The following CSMD1 variants were observed in gnomAD, a reference collection of about 807,000 sequenced individuals.
The protein encoded by CSMD1 is CUB and sushi domain-containing protein 1.
A neutral mutation model predicts 417.5 loss-of-function variants in CSMD1; 213 were observed. The observed-to-expected ratio is 0.51, with a 90% CI of 0.46 to 0.57. The LOEUF is 0.57. CSMD1 is among the 20% of genes least tolerant of loss of function. CSMD1 has a pLI of 0.00. For synonymous variants in CSMD1, 2,862 were observed against 1,736.8 expected (o/e 1.65, Z -16.11); for missense variants, 6,923 against 4,529.7 (o/e 1.53, Z -15.17).
intron 2 of CSMD1, among the ~76,000 whole-genome samples, chr8:4,438,485 C>G (rs921077874): frequency 6.6e-6 from 1 of 152,222 alleles, no homozygotes. Flanking sequence ...CGCTTGGGTT[C>G]CACAGCACCT....
intron 26 of CSMD1, among the ~76,000 whole-genome samples, chr8:3,263,851 C>A (rs1801253449): frequency 6.6e-6 from 1 of 152,092 alleles, no homozygotes; most frequent in Non-Finnish European, 1.5e-5. Context: ...TGTGGGAAAA[C>A]CAAGTATGTC....
At chr8:4,498,049 C>A (rs769244648) in intron 2 of CSMD1, among the ~76,000 whole-genome samples, 1 of 152,090 alleles carries the variant, frequency 6.6e-6, no homozygotes, top group Non-Finnish European at 1.5e-5. Context: ...CTGGAAGTGT[C>A]CTCCATGTGT....
chr8:4,092,524 G>C (rs1432664860), intron 3 of CSMD1, among the ~76,000 whole-genome samples: 1 of 152,080 alleles, frequency 6.6e-6, no homozygotes, highest in Non-Finnish European at 1.5e-5. Context: ...TTTAAAAAAA[G>C]AATAGAAGTA....
chr8:3,577,057 C>T (rs939867186), intron 9 of CSMD1, among the ~76,000 whole-genome samples: 1 of 152,160 alleles, frequency 6.6e-6, no homozygotes, highest in Non-Finnish European at 1.5e-5. Flanking sequence ...AGGGGAAAGT[C>T]ATTTGTTACA....
intron 3 of CSMD1, among the ~76,000 whole-genome samples, chr8:4,061,877 A>G (rs1002157428): frequency 1.3e-5 from 2 of 152,202 alleles, no homozygotes; most frequent in African/African-American, 2.4e-5. Flanking sequence ...ATGACTTGAC[A>G]ACTTCTGAGC....
intron 5 of CSMD1, among the ~76,000 whole-genome samples, chr8:3,763,490 G>A (rs1798118677): frequency 6.6e-6 from 1 of 152,090 alleles, no homozygotes; most frequent in Non-Finnish European, 1.5e-5. Flanking sequence ...CTCACCCTGT[G>A]ATATACCTGT....
intron 1 of CSMD1, among the ~76,000 whole-genome samples, chr8:4,901,176 A>T (rs1804848484): frequency 6.6e-6 from 1 of 152,232 alleles, no homozygotes; most frequent in African/African-American, 2.4e-5. Flanking sequence ...TTCTTAAACC[A>T]AAAGTTAGTA....
chr8:3,436,166 G>C (rs1029314872), intron 12 of CSMD1, among the ~76,000 whole-genome samples: 4 of 151,938 alleles, frequency 2.6e-5, no homozygotes, highest in African/African-American at 9.7e-5. Flanking sequence ...TTACCACCTG[G>C]GAGAACATCA....
chr8:3,180,060 A>G (rs1821222396), intron 37 of CSMD1, among the ~76,000 whole-genome samples: 1 of 152,218 alleles, frequency 6.6e-6, no homozygotes, highest in South Asian at 2.1e-4. Context: ...AAGCTTATCC[A>G]TGTATTTGCT....
intron 12 of CSMD1, among the ~76,000 whole-genome samples, chr8:3,425,172 A>G (rs1813753786): frequency 6.6e-6 from 1 of 152,200 alleles, no homozygotes. Context: ...TAGCCTGTCA[A>G]TTAAACTTTA....
chr8:4,159,755 A>T (rs189324267), intron 3 of CSMD1, among the ~76,000 whole-genome samples: 2,181 of 152,214 alleles, frequency 0.014, 31 homozygotes, highest in Non-Finnish European at 0.025. Flanking sequence ...CGCCCGGCTA[A>T]TTTTTTATAT....
chr8:4,725,806 G>T (rs767507180), intron 1 of CSMD1, among the ~76,000 whole-genome samples: 4 of 152,100 alleles, frequency 2.6e-5, no homozygotes, highest in Non-Finnish European at 4.4e-5. Flanking sequence ...CTAGCTGCTC[G>T]GTTGGAACTG....
chr8:3,408,119 C>G lies in CSMD1; in HGVS notation c.1851G>C (p.Glu617Asp). ...NMNCVWLIIS[E>D]PGSRIHLIFN... ...AGATTAGGTGAATTCGACTTCCTGG[C>G]TCCGAGATAATCAACCAGACACAGT... Residue 617 changes from glutamate (E) to aspartate (D), a missense_variant, in exon 14 of 70, where the codon GAG becomes GAC. Glu to Asp is a conservative substitution (Grantham distance 45). Coordinates refer to ENST00000635120, the MANE Select transcript of CSMD1 (RefSeq NM_033225.6). 6.2e-7 allele frequency: 1 copy of G among 1,613,812 alleles called. No homozygotes were observed. The highest frequency in any genetic ancestry group is 8.5e-7 in the Non-Finnish European group (1 of 1,179,790).
chr8:3,763,996 T>C (rs1373524548), intron 5 of CSMD1, among the ~76,000 whole-genome samples: 1 of 152,174 alleles, frequency 6.6e-6, no homozygotes, highest in East Asian at 1.9e-4. Context: ...TCTGTCTGTT[T>C]GTCATGAAGC....
intron 1 of CSMD1, among the ~76,000 whole-genome samples, chr8:4,990,207 C>T (rs1458375881): frequency 1.3e-5 from 2 of 152,162 alleles, no homozygotes; most frequent in African/African-American, 4.8e-5. Context: ...CTCCCTTTTG[C>T]GACTAACTAC....
chr8:3,808,515 T>G (rs1233607545), intron 5 of CSMD1, among the ~76,000 whole-genome samples: 1 of 152,202 alleles, frequency 6.6e-6, no homozygotes, highest in Non-Finnish European at 1.5e-5. Context: ...ACTAAGAGCA[T>G]GCTACCGTGG....
chr8:3,884,946 C>T (rs2975340), intron 5 of CSMD1, among the ~76,000 whole-genome samples: 4,733 of 144,090 alleles, frequency 0.033, 259 homozygotes, highest in African/African-American at 0.12. Context: ...TATATATATA[C>T]ACACACACAC....
intron 3 of CSMD1, among the ~76,000 whole-genome samples, chr8:4,248,115 A>T (rs1236236270): frequency 6.6e-6 from 1 of 151,838 alleles, no homozygotes; most frequent in African/African-American, 2.4e-5. Flanking sequence ...TTTCCAGTTT[A>T]TTTTTTTTAA....
intron 1 of CSMD1, among the ~76,000 whole-genome samples, chr8:4,984,367 C>T (rs1162355533): frequency 6.6e-6 from 1 of 152,200 alleles, no homozygotes; most frequent in Admixed American, 6.5e-5. Context: ...ATTTCAGGGA[C>T]TAGTCCCATG....
Sources: gnomAD v4.1 joint callset for allele counts (sites outside exome capture counted in the v4.1 genomes callset) on GRCh38, gnomAD v4.1.1 for gene constraint, MANE v1.5 for transcripts, NCBI Gene and HGNC (gene_info 2026-07-23, HGNC 2026-07-21) for gene names.